ADAM17: variants seen among roughly 807,000 people sequenced by gnomAD.
ADAM17 encodes the protein ADAM metallopeptidase domain 17, also known as disintegrin and metalloproteinase domain-containing protein 17.
A neutral mutation model predicts 96.7 loss-of-function variants in ADAM17; 39 were observed. The observed-to-expected ratio is 0.40, with a 90% confidence interval of 0.31 to 0.53. The LOEUF (loss-of-function observed/expected upper bound fraction) is 0.53. Ranked by LOEUF, ADAM17 falls within the 20% of genes least tolerant of loss-of-function variation. The probability of loss-of-function intolerance (pLI) is 0.44; values close to 1 mark genes in which losing one functional copy is unlikely to be tolerated. For synonymous variants in ADAM17, 344 were observed against 359.2 expected (o/e 0.96, Z 0.48); for missense variants, 777 against 1,013.2 (o/e 0.77, Z 3.17).
intron 14 of ADAM17, among the ~76,000 whole-genome samples, chr2:9,495,621 C>T (rs1011220563): frequency 1.3e-5 from 2 of 150,470 alleles, no homozygotes; most frequent in Non-Finnish European, 2.9e-5. Flanking sequence ...GGCTGAGGCA[C>T]GAGAATCACT....
At chr2:9,495,107 G>A (rs1174106994) in intron 14 of ADAM17, among the ~76,000 whole-genome samples, 1 of 152,182 alleles carries the variant, frequency 6.6e-6, no homozygotes, top group Non-Finnish European at 1.5e-5. Context: ...TTGTCACCCT[G>A]CTGACTTCAA....
At chr2:9,524,894 A>C (rs1221575643) in intron 6 of ADAM17, among the ~76,000 whole-genome samples, 2 of 152,218 alleles carry the variant, frequency 1.3e-5, no homozygotes, top group African/African-American at 4.8e-5. Context: ...ACTGTTCAAA[A>C]ACTGGGTTGA....
chr2:9,532,831 C>A (rs1451019559), intron 4 of ADAM17, among the ~76,000 whole-genome samples: 1 of 151,886 alleles, frequency 6.6e-6, no homozygotes, highest in African/African-American at 2.4e-5. Flanking sequence ...CATTTTTGTA[C>A]TTAGTGAAAC....
intron 10 of ADAM17, among the ~76,000 whole-genome samples, chr2:9,512,046 A>AG (rs34653114): frequency 2.4e-4 from 36 of 151,750 alleles, no homozygotes; most frequent in South Asian, 1.0e-3. Flanking sequence ...TTTTTTCCTA[A>AG]GGGGGGGAAA....
chr2:9,541,638 A>G (rs2125039582), intron 2 of ADAM17, among the ~76,000 whole-genome samples: 1 of 152,338 alleles, frequency 6.6e-6, no homozygotes, highest in Non-Finnish European at 1.5e-5. Context: ...GAGAAGTCTA[A>G]CTGAGTTAGA....
At chr2:9,551,257 G>C (rs55755872) in intron 1 of ADAM17, among the ~76,000 whole-genome samples, 3 of 151,536 alleles carry the variant, frequency 2.0e-5, no homozygotes, top group Non-Finnish European at 4.4e-5. Flanking sequence ...AAAAAGGAAG[G>C]GGGGGAACGG....
At chr2:9,547,603 G>A (rs1257831507) in intron 1 of ADAM17, among the ~76,000 whole-genome samples, 2 of 152,168 alleles carry the variant, frequency 1.3e-5, no homozygotes, top group African/African-American at 2.4e-5. Context: ...ACTTAAAGAC[G>A]TGAAAGCAAC....
intron 10 of ADAM17, among the ~76,000 whole-genome samples, chr2:9,515,836 T>C (rs1572924519): frequency 6.6e-6 from 1 of 152,080 alleles, no homozygotes; most frequent in South Asian, 2.1e-4. Context: ...TTAATGAGAG[T>C]TCCTGTTGCT....
At chr2:9,520,780 A>G (rs1340259558) in intron 8 of ADAM17, among the ~76,000 whole-genome samples, 2 of 151,836 alleles carry the variant, frequency 1.3e-5, no homozygotes, top group East Asian at 1.9e-4. Context: ...CCTGACCAAC[A>G]TGGAGAAACC....
chr2:9,506,199 A>G (rs536403554), intron 11 of ADAM17, among the ~76,000 whole-genome samples: 11 of 152,220 alleles, frequency 7.2e-5, no homozygotes, highest in Non-Finnish European at 1.3e-4. Flanking sequence ...TTCACCCCAG[A>G]CAACAATCAT....
At chr2:9,535,492 G>C (rs1390204836) in intron 4 of ADAM17, among the ~76,000 whole-genome samples, 1 of 152,106 alleles carries the variant, frequency 6.6e-6, no homozygotes, top group East Asian at 1.9e-4. Context: ...CAGAAAAACA[G>C]AGAAATTGAA....
chr2:9,555,478 C>T, intron 1 of ADAM17, 31 bp downstream of exon 1: 2 of 1,528,654 alleles, frequency 1.3e-6, no homozygotes, highest in Non-Finnish European at 1.8e-6. Context: ...GCTCCAGGCG[C>T]CGGCCTAAGC....
intron 2 of ADAM17, among the ~76,000 whole-genome samples, chr2:9,537,375 T>A (rs1664997429): frequency 6.6e-6 from 1 of 152,188 alleles, no homozygotes. Context: ...TCTATCAAGC[T>A]GGGTGGACTA....
rs942316087 is a variant in ADAM17 at position 9,517,959 on chromosome 2, A to G, written c.1133T>C (p.Ile378Thr). 3.1e-6 allele frequency: 5 copies of G among 1,604,800 alleles called. No individual in the cohort carries two copies. The highest frequency in any genetic ancestry group is 1.3e-5 in the African/African-American group (1 of 74,692). Residue 378 changes from isoleucine to threonine, a missense_variant, in exon 10 of 19, where the codon ATC (isoleucine) becomes ACC (threonine). Coordinates refer to ENST00000310823, the MANE Select transcript of ADAM17 (RefSeq NM_003183.6). ...AYYSPVGKKN[I>T]YLNSGLTSTK... ...GCTCGTCAAACCACTATTCAAATAG[A>G]TATTTTTCTTCCCAACTGGGCTATA...
chr2:9,548,538 C>G (rs10495566), intron 1 of ADAM17, among the ~76,000 whole-genome samples: 10,164 of 150,792 alleles, frequency 0.067, 1,189 homozygotes, highest in African/African-American at 0.23. Flanking sequence ...GAGACAATTG[C>G]ATGCTGAAAG....
intron 14 of ADAM17, 106 bp from the exon 15 acceptor site, chr2:9,494,873 A>T: frequency 7.1e-7 from 1 of 1,408,976 alleles, no homozygotes; most frequent in South Asian, 1.4e-5. Flanking sequence ...AAGAAATCAC[A>T]TTTATTTTTT....
intron 15 of ADAM17, 66 bp from the exon 16 acceptor site, chr2:9,493,891 T>C: frequency 7.2e-7 from 1 of 1,384,712 alleles, no homozygotes; most frequent in East Asian, 2.3e-5. Context: ...CAATGTAGCT[T>C]TATAAAAATA....
chr2:9,527,984 G>A, intron 4 of ADAM17, 30 bp from the exon 5 acceptor site: 1 of 1,360,762 alleles, frequency 7.3e-7, no homozygotes, highest in Non-Finnish European at 9.8e-7. Flanking sequence ...CGACTGAGAT[G>A]GAAAACAATA....
intron 8 of ADAM17, among the ~76,000 whole-genome samples, chr2:9,520,019 T>G (rs1664243516): frequency 6.6e-6 from 1 of 152,206 alleles, no homozygotes; most frequent in African/African-American, 2.4e-5. Context: ...ACCACACAGG[T>G]GCTGCACATT....
Sources: gnomAD v4.1 joint callset for allele counts (sites outside exome capture counted in the v4.1 genomes callset) on GRCh38, gnomAD v4.1.1 for gene constraint, MANE v1.5 for transcripts, NCBI Gene and HGNC (gene_info 2026-07-23, HGNC 2026-07-21) for gene names.